RRAGD: variants seen among roughly 807,000 people sequenced by gnomAD.
RRAGD encodes ras-related GTP-binding protein D.
Under a neutral mutation model 35.5 loss-of-function variants are expected in RRAGD, and 12 were observed. That is an observed-to-expected ratio of 0.34 (90% CI 0.22 to 0.55). RRAGD has a LOEUF of 0.55. RRAGD is among the 20% of genes least tolerant of loss of function. RRAGD has a pLI of 0.91. For synonymous variants in RRAGD, 155 were observed against 178.9 expected, an observed-to-expected ratio of 0.87 and a Z score of 1.07; for missense variants, 324 against 490.1, an observed-to-expected ratio of 0.66 and a Z score of 3.20.
chr6:89,382,333 C>A (rs541376152), intron 2 of RRAGD, among the ~76,000 whole-genome samples: 2 of 150,650 alleles, frequency 1.3e-5, no homozygotes, highest in East Asian at 3.9e-4. Context: ...TGTAATCCCA[C>A]CTACTGGAGA....
intron 1 of RRAGD, among the ~76,000 whole-genome samples, chr6:89,401,744 T>C (rs998247146): frequency 1.3e-5 from 2 of 152,200 alleles, no homozygotes; most frequent in African/African-American, 4.8e-5. Context: ...AGCTGCAATG[T>C]CACCCCCACT....
At chr6:89,409,812 C>T (rs1196923038) in intron 1 of RRAGD, among the ~76,000 whole-genome samples, 1 of 152,188 alleles carries the variant, frequency 6.6e-6, no homozygotes, top group African/African-American at 2.4e-5. Context: ...CAAAATATAA[C>T]GGAGGAAGTC....
chr6:89,383,176 T>C (rs1361465792), intron 2 of RRAGD, among the ~76,000 whole-genome samples: 3 of 152,224 alleles, frequency 2.0e-5, no homozygotes, highest in Admixed American at 6.5e-5. Flanking sequence ...TTAAAATGAA[T>C]GCATTTTATT....
chr6:89,365,857 G>A lies in RRAGD; in HGVS notation c.*2199C>T, dbSNP rs1768733274. ...AAATAGGCTAGTGTCTCTAGCTTGA[G>A]GATAAAGTCATATTAGAAAACTGAT... On this transcript the variant is annotated 3_prime_UTR_variant, in exon 7 of 7. Coordinates refer to ENST00000369415, the MANE Select transcript of RRAGD (RefSeq NM_021244.5). 6.6e-6 allele frequency: 1 copy of A among 152,128 alleles called. No homozygotes were observed. Among genetic ancestry groups the A allele is most frequent in the African/African-American group, 2.4e-5 (1 of 41,416 alleles). The allele number at this position is 152,128 out of a possible 1,614,324, so 9.4% of individuals were successfully genotyped here.
In RRAGD at chr6:89,372,452, T is replaced by G. The variant is rs770953881; in HGVS notation, c.1036A>C (p.Ser346Arg). ...AAAAAGTTACCTTTTCTTTCAAAGC[T>G]TTCCTCTCTGACAAAGCAAACGAGA... ...LALVCFVREE[S>R]FERKGLIDYN... Residue 346 changes from serine to arginine, a missense_variant, in exon 6 of 7, where the codon AGC (serine) becomes CGC (arginine). By Grantham distance (110) the Ser-to-Arg change is moderately radical (BLOSUM62 -1). This residue lies in a region of RRAGD where 68 missense variants were observed against 76.8 expected (regional missense o/e 0.89). Coordinates refer to ENST00000369415, the MANE Select transcript of RRAGD (RefSeq NM_021244.5). The G allele has an allele frequency of 3.1e-6, 5 of 1,613,486 alleles. No individual in the cohort carries two copies. The highest frequency in any genetic ancestry group is 3.4e-6 in the Non-Finnish European group (4 of 1,179,782).
At chr6:89,370,951 C>T (rs907111519) in intron 6 of RRAGD, among the ~76,000 whole-genome samples, 7 of 148,096 alleles carry the variant, frequency 4.7e-5, no homozygotes, top group Non-Finnish European at 1.1e-4. Context: ...GAATCTATTA[C>T]TTTTCTGATA....
intron 5 of RRAGD, among the ~76,000 whole-genome samples, chr6:89,373,393 C>G (rs1768884012): frequency 6.6e-6 from 1 of 152,074 alleles, no homozygotes; most frequent in African/African-American, 2.4e-5. Flanking sequence ...ACAGGTAGAT[C>G]ACGAGGTCAT....
At chr6:89,410,501 AT>A (rs1769672577) in intron 1 of RRAGD, among the ~76,000 whole-genome samples, 1 of 152,228 alleles carries the variant, frequency 6.6e-6, no homozygotes, top group South Asian at 2.1e-4. Context: ...ATCTACAAAA[AT>A]GTGGCCTGGT....
At chr6:89,377,056 A>G (rs1375495748) in intron 5 of RRAGD, among the ~76,000 whole-genome samples, 1 of 152,168 alleles carries the variant, frequency 6.6e-6, no homozygotes, top group Non-Finnish European at 1.5e-5. Context: ...ATAAATAGTA[A>G]ATATATTCTT....
At chr6:89,409,397 TA>T (rs1216447867) in intron 1 of RRAGD, among the ~76,000 whole-genome samples, 1 of 152,168 alleles carries the variant, frequency 6.6e-6, no homozygotes, top group East Asian at 1.9e-4. Context: ...ACCAAGCTAT[TA>T]GGAAGGGGAA....
intron 6 of RRAGD, among the ~76,000 whole-genome samples, chr6:89,370,081 T>C (rs930013965): frequency 6.6e-6 from 1 of 152,160 alleles, no homozygotes; most frequent in Non-Finnish European, 1.5e-5. Flanking sequence ...CAGCAACCTT[T>C]AGCCCTGACT....
intron 5 of RRAGD, 56 bp downstream of exon 5, chr6:89,377,615 G>A: frequency 1.4e-5 from 20 of 1,440,872 alleles, no homozygotes; most frequent in Non-Finnish European, 1.8e-5. Flanking sequence ...CAAAATGCCT[G>A]AAAGGTTATG....
At chr6:89,370,492 G>A (rs1443831489) in intron 6 of RRAGD, among the ~76,000 whole-genome samples, 1 of 152,202 alleles carries the variant, frequency 6.6e-6, no homozygotes. Flanking sequence ...CATAAAACCA[G>A]AAAATCTTTC....
At position 89,377,721 on chromosome 6, in the gene RRAGD, C is replaced by A; in HGVS notation, c.852G>T (p.Glu284Asp). 6.2e-7 allele frequency: 1 copy of A among 1,612,820 alleles called. No individual in the cohort carries two copies. Among genetic ancestry groups the A allele is most frequent in the Non-Finnish European group, 8.5e-7 (1 of 1,179,620 alleles). Residue 284 changes from glutamate (E) to aspartate (D), a missense_variant, in exon 5 of 7, where the codon GAG (glutamate) becomes GAT (aspartate). Transcript: ENST00000369415. The part of the protein sequence containing the change: ...DSTPVDMQTY[E>D]LCCDMIDVVI... ...CCACATCTATCATATCACAGCAGAG[C>A]TCATAGGTTTGCATATCCACCGGAG...
intron 1 of RRAGD, among the ~76,000 whole-genome samples, chr6:89,402,038 A>ATTTTTTTTTT (rs71556520): frequency 0.11 from 8,607 of 77,942 alleles, 1,373 homozygotes; most frequent in Non-Finnish European, 0.13. Flanking sequence ...AATCCTAAGG[A>ATTTTTTTTTT]TTTTTTTTTT....
chr6:89,385,972 T>G (rs537627235), intron 2 of RRAGD, among the ~76,000 whole-genome samples: 90 of 152,266 alleles, frequency 5.9e-4, no homozygotes, highest in Non-Finnish European at 1.1e-3. Context: ...ATAGTCTTTG[T>G]AACACTTCAG....
intron 1 of RRAGD, among the ~76,000 whole-genome samples, chr6:89,389,750 C>T (rs1769199203): frequency 6.6e-6 from 1 of 151,956 alleles, no homozygotes. Flanking sequence ...AAGTATAGAC[C>T]GTGGTTCAGT....
Position 89,377,743 on chromosome 6 carries a change from G to A in RRAGD, c.830C>T (p.Pro277Leu), listed in dbSNP as rs1768971489. The A allele has an allele frequency of 2.5e-6, 4 of 1,611,138 alleles. No individual in the cohort carries two copies. The highest frequency in any genetic ancestry group is 2.7e-5 in the African/African-American group (2 of 74,774). The change falls in exon 5 of 7, where the codon CCG becomes CTG. Residue 277 changes from proline to leucine, a missense_variant. Coordinates refer to ENST00000369415, the MANE Select transcript of RRAGD (RefSeq NM_021244.5). ...GAGCTCATAGGTTTGCATATCCACC[G>A]GAGTACTATCAGTTGCAATATAAAT... Reference protein sequence around the residue: ...SKIYIATDSTPVDMQTYELCC... With the variant: ...SKIYIATDSTLVDMQTYELCC...
At chr6:89,385,005 A>C (rs1769116827) in intron 2 of RRAGD, among the ~76,000 whole-genome samples, 2 of 151,914 alleles carry the variant, frequency 1.3e-5, no homozygotes, top group African/African-American at 4.8e-5. Flanking sequence ...AGCGGGTTAT[A>C]ATCACACTTG....
Sources: allele counts gnomAD v4.1 joint callset (sites outside exome capture counted in the v4.1 genomes callset), GRCh38; gene constraint gnomAD v4.1.1; regional missense constraint gnomAD v4.1.1; transcripts MANE v1.5; gene names NCBI Gene and HGNC (gene_info 2026-07-23, HGNC 2026-07-21).